ZNF160: variants seen among roughly 807,000 people sequenced by gnomAD.
ZNF160 encodes the protein KRAB zinc finger protein KR18.
A neutral mutation model predicts 13.1 loss-of-function variants in ZNF160; 9 were observed. The observed-to-expected ratio is 0.69, with a 90% CI of 0.41 to 1.20. The LOEUF (loss-of-function observed/expected upper bound fraction) is 1.20, where lower values mean the gene tolerates loss of function less well. Among genes scored for constraint, ZNF160 ranks in the 50% most tolerant of loss-of-function variants. The pLI is 0.01. For missense variants in ZNF160, 838 were observed against 988.0 expected, an observed-to-expected ratio of 0.85 and a Z score of 2.04; for synonymous variants, 293 against 333.2, an observed-to-expected ratio of 0.88 and a Z score of 1.31.
rs780058888 is a variant in ZNF160 at position 53,071,240 on chromosome 19, G to C, written c.272-978C>G. On this transcript the variant is annotated intron_variant, in intron 5 of 5. Coordinates refer to ENST00000683776, the MANE Select transcript of ZNF160 (RefSeq NM_001322131.2). Reference sequence around the variant, plus strand: ...TAGTTTGGCATGCTGGCATGTGCCTGCAATTCTGGATACTCAAGAGGCTGA... The same window carrying C: ...TAGTTTGGCATGCTGGCATGTGCCTCCAATTCTGGATACTCAAGAGGCTGA... Among the ~76,000 whole-genome samples the C allele has an allele frequency of 1.2e-3, 177 of 151,774 alleles. 1 individual carries two copies. Among genetic ancestry groups the C allele is most frequent in the Non-Finnish European group, 1.5e-3 (101 of 67,978 alleles).
rs1307253990 is a variant in ZNF160 at position 53,068,545 on chromosome 19, G to C, written c.1989C>G (p.Asn663Lys). 6.2e-7 allele frequency: 1 copy of C among 1,613,688 alleles called. No individual in the cohort carries two copies. The highest frequency in any genetic ancestry group is 8.5e-7 in the Non-Finnish European group (1 of 1,179,936). The change falls in exon 6 of 6, where the codon AAC becomes AAG. Residue 663 changes from asparagine (N) to lysine (K), a missense_variant. Asn to Lys is a moderately conservative substitution (Grantham distance 94, BLOSUM62 0). This residue lies in a region of ZNF160 where 400 missense variants were observed against 538.9 expected (regional missense o/e 0.74). Transcript: ENST00000683776. ...ECGKAFSMHS[N>K]LTTHKVIHTG... ...TATGGATGACCTTATGGGTAGTTAG[G>C]TTTGAATGCATACTAAAGGCTTTCC...
intron 2 of ZNF160, among the ~76,000 whole-genome samples, chr19:53,089,256 G>C (rs1048943377): frequency 1.3e-5 from 2 of 152,206 alleles, no homozygotes; most frequent in African/African-American, 4.8e-5. Context: ...GCTGGACAGT[G>C]TCAGAATTGA....
intron 3 of ZNF160, among the ~76,000 whole-genome samples, chr19:53,078,384 T>A (rs932732702): frequency 6.6e-6 from 1 of 152,036 alleles, no homozygotes; most frequent in South Asian, 2.1e-4. Flanking sequence ...TATTCCAGCC[T>A]GTGCTACAAA....
Position 53,069,601 on chromosome 19 carries a change from T to C in ZNF160, c.933A>G (p.Lys311=). ...TIHQVIHTGE[K]PYKCHECGKV... ...TGCCACACTCATGACATTTGTAAGG[T>C]TTTTCTCCAGTATGGATGACCTGAT... is the stretch of plus-strand genomic sequence containing the variant. The change falls in exon 6 of 6, where the codon AAA becomes AAG. Residue 311 remains lysine, a synonymous_variant. Transcript: ENST00000683776. This position sits in a 1 kb window ranked among gnomAD's most constrained non-coding sequence, Gnocchi z 4.4. The C allele has an allele frequency of 6.2e-7, 1 of 1,614,042 alleles. No homozygotes were observed. Among genetic ancestry groups the C allele is most frequent in the South Asian group, 1.1e-5 (1 of 91,080 alleles).
At chr19:53,081,877 A>C (rs1423208217) in intron 3 of ZNF160, among the ~76,000 whole-genome samples, 1 of 152,228 alleles carries the variant, frequency 6.6e-6, no homozygotes, top group Non-Finnish European at 1.5e-5. Flanking sequence ...CTTGGTGACC[A>C]TCAAGTGGAT....
rs1200363884 is a variant in ZNF160 at position 53,086,577 on chromosome 19, A to G, written c.-45-256T>C. Among the ~76,000 whole-genome samples, 3 of 152,260 alleles carry G rather than the reference A, an allele frequency of 2.0e-5. No individual in the cohort carries two copies. In the East Asian group the frequency reaches 5.8e-4, roughly 30 times the overall value. On this transcript the variant is annotated intron_variant, in intron 2 of 5. Transcript: ENST00000683776. ...TGGAGAAGCCCACACACACTGCAGC[A>G]GTGGGGAGCTGGGCTGGACTGAGCT... is the stretch of plus-strand genomic sequence containing the variant.
At chr19:53,094,027 C>T (rs1379877601) in intron 1 of ZNF160, among the ~76,000 whole-genome samples, 1 of 151,996 alleles carries the variant, frequency 6.6e-6, no homozygotes, top group African/African-American at 2.4e-5. Context: ...CCAATGAGAC[C>T]CCGATATCAT....
intron 1 of ZNF160, among the ~76,000 whole-genome samples, chr19:53,097,639 A>T (rs1192222378): frequency 6.6e-6 from 1 of 152,226 alleles, no homozygotes; most frequent in Non-Finnish European, 1.5e-5. Flanking sequence ...TAAAACAGAG[A>T]TGTCTCTAAT....
intron 5 of ZNF160, 110 bp from the exon 6 acceptor site, chr19:53,070,372 T>G (rs927324380): frequency 1.7e-6 from 2 of 1,153,888 alleles, no homozygotes; most frequent in African/African-American, 3.2e-5. Context: ...GAACAGACTT[T>G]GGAACTTCAG....
In ZNF160 at chr19:53,070,035, G is replaced by A. The variant is rs759598705; in HGVS notation, c.499C>T (p.Arg167Cys). ...TTGTTTTCTATGTCTCTTCTGTCGC[G>A]TTGATCTCTTTTACCTTCTTTCTGG... ...MAQKEGKRDQ[R>C]DRRDIENKLM... Residue 167 changes from arginine to cysteine, a missense_variant, in exon 6 of 6, where the codon CGC becomes TGC. Arg to Cys is a radical substitution (Grantham distance 180). Around this residue, in one of 3 missense-constraint regions of ZNF160, gnomAD observed 387 missense variants for 402.3 expected, o/e 0.96. Coordinates refer to ENST00000683776, the MANE Select transcript of ZNF160 (RefSeq NM_001322131.2). The A allele has an allele frequency of 1.1e-5, 17 of 1,613,844 alleles. No homozygotes were observed. Among genetic ancestry groups the A allele is most frequent in the East Asian group, 6.7e-5 (3 of 44,876 alleles).
intron 3 of ZNF160, chr19:53,084,991 T>C (rs976736488): frequency 1.2e-5 from 2 of 160,402 alleles, no homozygotes; most frequent in Admixed American, 6.7e-5. Flanking sequence ...TCTTGTTCTA[T>C]CACTCAGGCT....
At position 53,094,848 on chromosome 19, in the gene ZNF160, G is replaced by A. The variant is rs930946552; in HGVS notation, c.-353-3128C>T. Among the ~76,000 whole-genome samples the A allele has an allele frequency of 2.6e-5, 4 of 152,252 alleles. No homozygotes were observed. In the East Asian group the frequency reaches 7.7e-4, roughly 29 times the overall value. On this transcript the variant is annotated intron_variant, in intron 1 of 5. Transcript: ENST00000683776. ...GCTGTTGATCCAGTCCTAGTGGAGAGAAAGGCTGACATAGCAGAAAATGAC... is the reference window on the plus strand; with the variant it reads ...GCTGTTGATCCAGTCCTAGTGGAGAAAAAGGCTGACATAGCAGAAAATGAC...
At position 53,069,540 on chromosome 19, in the gene ZNF160, G is replaced by C. The variant is rs757419776; in HGVS notation, c.994C>G (p.Arg332Gly). The C allele has an allele frequency of 6.2e-7, 1 of 1,614,128 alleles. No homozygotes were observed. The highest frequency in any genetic ancestry group is 1.1e-5 in the South Asian group (1 of 91,074). Residue 332 changes from arginine to glycine, a missense_variant, in exon 6 of 6, where the codon CGG (arginine) becomes GGG (glycine). Arg to Gly is a moderately radical substitution (Grantham distance 125). Transcript: ENST00000683776. This position sits in a 1 kb window ranked among gnomAD's most constrained non-coding sequence, Gnocchi z 4.4. Reference protein sequence around the residue: ...FRHNSYLATHRRIHTGEKPYK... With the variant: ...FRHNSYLATHGRIHTGEKPYK... ...GGTTTCTCTCCAGTATGAATTCGCC[G>C]ATGAGTTGCAAGGTATGAATTGTGC... is the stretch of plus-strand genomic sequence containing the variant.
intron 2 of ZNF160, among the ~76,000 whole-genome samples, chr19:53,087,228 G>T (rs2084870205): frequency 1.3e-5 from 2 of 152,212 alleles, no homozygotes; most frequent in African/African-American, 4.8e-5. Context: ...GAGCAGAGGG[G>T]GCTGGGAGGA....
chr19:53,087,394 A>G (rs904162778), intron 2 of ZNF160, among the ~76,000 whole-genome samples: 1 of 152,330 alleles, frequency 6.6e-6, no homozygotes, highest in Admixed American at 6.5e-5. Flanking sequence ...TTCATTTTAC[A>G]AAGTAACACA....
intron 1 of ZNF160, among the ~76,000 whole-genome samples, chr19:53,097,543 C>T (rs2085283988): frequency 6.6e-6 from 1 of 152,146 alleles, no homozygotes; most frequent in Non-Finnish European, 1.5e-5. Flanking sequence ...TATACACAAA[C>T]ACCCCAGGAA....
chr19:53,068,304 G>C lies in ZNF160; in HGVS notation c.2230C>G (p.Gln744Glu), dbSNP rs1473095538. ...CGGTGATTTGCCAGGTGAGCATTTTGAGTAAAGACCTTGCCACATTCATTA... is the reference window on the plus strand; with the variant it reads ...CGGTGATTTGCCAGGTGAGCATTTTCAGTAAAGACCTTGCCACATTCATTA... Reference protein sequence around the residue: ...KCNECGKVFTQNAHLANHRRI... With the variant: ...KCNECGKVFTENAHLANHRRI... Residue 744 changes from glutamine to glutamate, a missense_variant, in exon 6 of 6, where the codon CAA (glutamine) becomes GAA (glutamate). Physicochemically the swap from Gln to Glu is conservative, Grantham distance 29. Around this residue, in one of 3 missense-constraint regions of ZNF160, gnomAD observed 400 missense variants for 538.9 expected, o/e 0.74. Transcript: ENST00000683776. 6.2e-7 allele frequency: 1 copy of C among 1,614,018 alleles called. No homozygotes were observed. The highest frequency in any genetic ancestry group is 8.5e-7 in the Non-Finnish European group (1 of 1,180,014).
At chr19:53,097,995 C>T (rs1454335924) in intron 1 of ZNF160, among the ~76,000 whole-genome samples, 1 of 152,204 alleles carries the variant, frequency 6.6e-6, no homozygotes, top group African/African-American at 2.4e-5. Flanking sequence ...TTTTCTCTGC[C>T]TGATTCCACT....
chr19:53,095,465 T>C (rs2085198182), intron 1 of ZNF160: 1 of 151,806 alleles, frequency 6.6e-6, no homozygotes, highest in African/African-American at 2.4e-5. Flanking sequence ...GCTCATGGGA[T>C]TGGTAGCGAG....
Sources: allele counts gnomAD v4.1 joint callset (sites outside exome capture counted in the v4.1 genomes callset), GRCh38; gene constraint gnomAD v4.1.1; regional missense constraint gnomAD v4.1.1; non-coding constraint Gnocchi (gnomAD v3.1); transcripts MANE v1.5; gene names NCBI Gene and HGNC (gene_info 2026-07-23, HGNC 2026-07-21).